The following THAP5 variants were observed in gnomAD, a reference collection of about 807,000 sequenced individuals.
THAP5 encodes THAP domain containing 5, also known as THAP domain-containing protein 5.
Under a neutral mutation model 34.0 loss-of-function variants are expected in THAP5, and 26 were observed. The observed-to-expected ratio is 0.77, with a 90% CI of 0.56 to 1.06. The LOEUF (loss-of-function observed/expected upper bound fraction) is 1.06, where lower values mean the gene tolerates loss of function less well. Among genes scored for constraint, THAP5 ranks in the 50% least tolerant of loss-of-function variants. The pLI is 0.00. For missense variants in THAP5, 394 were observed against 452.8 expected (o/e 0.87, Z 1.18); for synonymous variants, 125 against 153.0 (o/e 0.82, Z 1.35).
chr7:108,550,112 T>C (rs1864344395), downstream of THAP5, among the ~76,000 whole-genome samples: 1 of 152,250 alleles, frequency 6.6e-6, no homozygotes, highest in African/African-American at 2.4e-5. Context: ...AACAGCTTCC[T>C]TAGAAAGGGT....
At chr7:108,551,421 TCTCA>T (rs1864352981), downstream of THAP5, among the ~76,000 whole-genome samples, 1 of 152,220 alleles carries the variant, frequency 6.6e-6, no homozygotes, top group Non-Finnish European at 1.5e-5. Flanking sequence ...GTTCATCCTC[TCTCA>T]CTCTTCTTCC....
downstream of THAP5, among the ~76,000 whole-genome samples, chr7:108,558,377 G>GTGTGTGTGTGTATATATATATATATA (rs1401164750): frequency 3.2e-5 from 2 of 63,042 alleles, no homozygotes; most frequent in Non-Finnish European, 5.7e-5. Context: ...ATGTGTGTGT[G>GTGTGTGTGTGTATATATATATATATA]TATGTATATA....
the THAP5 span, among the ~76,000 whole-genome samples, chr7:108,544,654 A>C: frequency 6.6e-6 from 1 of 152,178 alleles, no homozygotes; most frequent in Admixed American, 6.6e-5. Context: ...TTAGTAATTA[A>C]TTAATTAATT....
At chr7:108,567,505 T>A (rs1288735756) in intron 1 of THAP5, among the ~76,000 whole-genome samples, 2 of 152,240 alleles carry the variant, frequency 1.3e-5, no homozygotes, top group Admixed American at 6.5e-5. Flanking sequence ...ATATCCTTAT[T>A]GTTTACTGGA....
intron 1 of THAP5, among the ~76,000 whole-genome samples, chr7:108,567,411 AT>A (rs1255702294): frequency 6.6e-5 from 10 of 152,264 alleles, no homozygotes; most frequent in Admixed American, 5.9e-4. Context: ...TTTACTGTAA[AT>A]TCATGTATAT....
downstream of THAP5, among the ~76,000 whole-genome samples, chr7:108,552,804 GAAA>G (rs34181587): frequency 1.5e-4 from 22 of 151,328 alleles, no homozygotes; most frequent in East Asian, 4.1e-3. Flanking sequence ...TGTCTCAGGG[GAAA>G]AAAAAAAATC....
At chr7:108,543,173 C>T in the THAP5 span, among the ~76,000 whole-genome samples, 3 of 151,308 alleles carry the variant, frequency 2.0e-5, no homozygotes, top group South Asian at 2.1e-4. Context: ...ATGATCCGCC[C>T]GCCTCAGCCT....
rs1790471328 is a variant in THAP5 at position 108,565,701 on chromosome 7, T to C, written c.273+129A>G. 1.0e-5 allele frequency: 7 copies of C among 669,770 alleles called. No homozygotes were observed. In the South Asian group the frequency reaches 2.2e-4, roughly 21 times the overall value. The allele number at this position is 669,770 out of a possible 1,614,324, so 41.5% of individuals were successfully genotyped here. A position where few individuals can be genotyped will look rare whatever the true frequency, so the allele number is the denominator to read the frequency against. On this transcript the variant is annotated intron_variant, in intron 2 of 2. Coordinates refer to ENST00000415914, the MANE Select transcript of THAP5 (RefSeq NM_001130475.3). ...TTATCACTTTTAGTAAAAGCACAAA[T>C]TAGTGCTCCCTTTTTTCCAAGTATC...
At chr7:108,569,351 C>T (rs2154518210) in intron 1 of THAP5, 139 bp downstream of exon 1, 4 of 1,494,514 alleles carry the variant, frequency 2.7e-6, no homozygotes, top group Non-Finnish European at 2.7e-6. Context: ...CGCCTTCCCT[C>T]CGTCTTGCCG....
downstream of THAP5, among the ~76,000 whole-genome samples, chr7:108,560,329 C>A (rs1385899702): frequency 6.6e-6 from 1 of 152,182 alleles, no homozygotes. Context: ...GCCTCTTTTT[C>A]AAAGGGAAAC....
At position 108,569,533 on chromosome 7, in the gene THAP5, G is replaced by A. The variant is rs1350089817; in HGVS notation, c.37C>T (p.Arg13Cys). The change falls in exon 1 of 3, where the codon CGC (arginine) becomes TGC (cysteine). Residue 13 changes from arginine to cysteine, a missense_variant. By Grantham distance (180) the Arg-to-Cys change is radical (BLOSUM62 -3). Coordinates refer to ENST00000415914, the MANE Select transcript of THAP5 (RefSeq NM_001130475.3). ...CGGTCTTTATTGTTTCGTCCCCGGCGGTTCTTACAACAAATCGCTGCGCAA... is the reference window on the plus strand; with the variant it reads ...CGGTCTTTATTGTTTCGTCCCCGGCAGTTCTTACAACAAATCGCTGCGCAA... ...RYCAAICCKNRRGRNNKDRKL... is the reference protein window; with the variant it reads ...RYCAAICCKNCRGRNNKDRKL... The A allele has an allele frequency of 1.9e-6, 3 of 1,551,776 alleles. No individual in the cohort carries two copies. The highest frequency in any genetic ancestry group is 2.6e-6 in the Non-Finnish European group (3 of 1,147,024).
chr7:108,553,671 C>T (rs1407065245), downstream of THAP5, among the ~76,000 whole-genome samples: 2 of 152,170 alleles, frequency 1.3e-5, no homozygotes, highest in Admixed American at 1.3e-4. Context: ...TGCTCTCAGA[C>T]ATAGGGTAAT....
At position 108,566,117 on chromosome 7, in the gene THAP5, G is replaced by A. The variant is rs532658474; in HGVS notation, c.81-95C>T. 1.9e-5 allele frequency: 20 copies of A among 1,034,032 alleles called. No homozygotes were observed. In the South Asian group the frequency reaches 3.5e-4, roughly 18 times the overall value. The allele number at this position is 1,034,032 out of a possible 1,614,324, so 64.1% of individuals were successfully genotyped here. On this transcript the variant is annotated intron_variant, in intron 1 of 2. Coordinates refer to ENST00000415914, the MANE Select transcript of THAP5 (RefSeq NM_001130475.3). ...CACCCTATATATCTGGGTAACCTAT[G>A]CATCAAGTAAGTACTACAAGAGGAA... is the stretch of plus-strand genomic sequence containing the variant.
chr7:108,564,102 C>T lies in THAP5; in HGVS notation c.*89G>A, dbSNP rs1564010349. On this transcript the variant is annotated 3_prime_UTR_variant, in exon 3 of 3. Coordinates refer to ENST00000415914, the MANE Select transcript of THAP5 (RefSeq NM_001130475.3). ...TCTCATAGGTTCATTAAGATGAGAA[C>T]TTTATACAGGAAACAGTTCACTTTA... 9.1e-7 allele frequency: 1 copy of T among 1,094,458 alleles called. No individual in the cohort carries two copies. Among genetic ancestry groups the T allele is most frequent in the Non-Finnish European group, 1.3e-6 (1 of 770,092 alleles). 67.8% of individuals were successfully genotyped at this position (1,094,458 alleles called of 1,614,324 possible).
intron 1 of THAP5, among the ~76,000 whole-genome samples, chr7:108,557,121 G>A (rs185553216): frequency 1.0e-3 from 159 of 152,344 alleles, no homozygotes; most frequent in African/African-American, 3.6e-3. Flanking sequence ...AGGGCTGTGG[G>A]CCTGTCCCAT....
downstream of THAP5, among the ~76,000 whole-genome samples, chr7:108,550,208 T>G (rs1169642143): frequency 6.6e-6 from 1 of 152,218 alleles, no homozygotes; most frequent in African/African-American, 2.4e-5. Flanking sequence ...TTAATCTTTC[T>G]TTTTACTTTT....
At chr7:108,557,484 C>T (rs1864394307), downstream of THAP5, among the ~76,000 whole-genome samples, 1 of 152,180 alleles carries the variant, frequency 6.6e-6, no homozygotes, top group South Asian at 2.1e-4. Flanking sequence ...ATACACTAAC[C>T]CATCTCTCTT....
the THAP5 span, among the ~76,000 whole-genome samples, chr7:108,548,245 A>G: frequency 6.6e-6 from 1 of 152,228 alleles, no homozygotes; most frequent in African/African-American, 2.4e-5. Flanking sequence ...AGACCCAGCA[A>G]AACAGCTCTT....
At chr7:108,556,289 A>G (rs780123301) in intron 1 of THAP5, among the ~76,000 whole-genome samples, 1 of 152,188 alleles carries the variant, frequency 6.6e-6, no homozygotes, top group Non-Finnish European at 1.5e-5. Flanking sequence ...CCTTCCCAAC[A>G]GTTCCCCTAA....
Sources: allele counts gnomAD v4.1 joint callset (sites outside exome capture counted in the v4.1 genomes callset), GRCh38; gene constraint gnomAD v4.1.1; transcripts MANE v1.5; gene names NCBI Gene and HGNC (gene_info 2026-07-23, HGNC 2026-07-21).